The following ASIC2 variants were observed in gnomAD, a reference collection of about 807,000 sequenced individuals.
The protein encoded by ASIC2 is acid-sensing ion channel 2.
Under a neutral mutation model 57.3 loss-of-function variants are expected in ASIC2, and 25 were observed. The observed-to-expected ratio is 0.44, with a 90% CI of 0.32 to 0.61. The LOEUF is 0.61. ASIC2 is among the 20% of genes least tolerant of loss of function. The probability of loss-of-function intolerance (pLI) is 0.06; values close to 1 mark genes in which losing one functional copy is unlikely to be tolerated. For synonymous variants in ASIC2, 319 were observed against 307.5 expected (o/e 1.04, Z -0.39); for missense variants, 641 against 738.1 (o/e 0.87, Z 1.52).
chr17:33,727,791 G>A (rs1012718697), intron 1 of ASIC2, among the ~76,000 whole-genome samples: 11 of 152,156 alleles, frequency 7.2e-5, no homozygotes, highest in African/African-American at 1.9e-4. Flanking sequence ...TTTTTTTATA[G>A]CAATGTAAGA....
intron 1 of ASIC2, among the ~76,000 whole-genome samples, chr17:33,898,470 T>C (rs1474856952): frequency 1.3e-5 from 2 of 151,672 alleles, no homozygotes; most frequent in Admixed American, 1.3e-4. Context: ...TCTCCTGATC[T>C]TGTGATCTGC....
At chr17:33,867,522 G>C (rs1286476861) in intron 1 of ASIC2, among the ~76,000 whole-genome samples, 2 of 152,180 alleles carry the variant, frequency 1.3e-5, no homozygotes, top group Non-Finnish European at 2.9e-5. Context: ...GGGCCCTTTT[G>C]CCAACCACAA....
At chr17:33,858,225 C>T (rs1447005962) in intron 1 of ASIC2, among the ~76,000 whole-genome samples, 1 of 152,224 alleles carries the variant, frequency 6.6e-6, no homozygotes, top group Non-Finnish European at 1.5e-5. Context: ...ACAGCCTTTG[C>T]ATATGTTAAT....
chr17:34,002,240 G>A (rs1015396372), intron 1 of ASIC2: 11 of 152,216 alleles, frequency 7.2e-5, no homozygotes, highest in African/African-American at 2.4e-4. Context: ...TGCCAACAGA[G>A]GGAACTATAA....
intron 1 of ASIC2, among the ~76,000 whole-genome samples, chr17:33,538,761 G>T (rs1270181578): frequency 2.0e-5 from 3 of 152,190 alleles, no homozygotes; most frequent in Non-Finnish European, 2.9e-5. Context: ...TTTCTACAAG[G>T]TAGATCCATG....
intron 1 of ASIC2, among the ~76,000 whole-genome samples, chr17:33,706,370 C>T (rs1489829200): frequency 6.6e-6 from 1 of 152,014 alleles, no homozygotes; most frequent in East Asian, 1.9e-4. Flanking sequence ...CAGGTATGTG[C>T]CACCATGAAT....
intron 1 of ASIC2, among the ~76,000 whole-genome samples, chr17:34,008,806 C>G (rs1325209817): frequency 2.6e-5 from 4 of 152,204 alleles, no homozygotes; most frequent in Non-Finnish European, 5.9e-5. Flanking sequence ...TGCAGCTCCC[C>G]TAGCCATCCC....
chr17:33,577,558 G>A (rs987188623), intron 1 of ASIC2, among the ~76,000 whole-genome samples: 2 of 152,226 alleles, frequency 1.3e-5, no homozygotes, highest in African/African-American at 4.8e-5. Context: ...CTTCTCCCCA[G>A]AATAACCAAA....
At chr17:33,631,241 G>A (rs889619815) in intron 1 of ASIC2, among the ~76,000 whole-genome samples, 1 of 152,020 alleles carries the variant, frequency 6.6e-6, no homozygotes, top group African/African-American at 2.4e-5. Context: ...TTGAGAACCT[G>A]CCTTTATGTG....
chr17:33,586,729 C>T (rs1904647751), intron 1 of ASIC2, among the ~76,000 whole-genome samples: 1 of 152,162 alleles, frequency 6.6e-6, no homozygotes, highest in African/African-American at 2.4e-5. Flanking sequence ...TTAGACCTGC[C>T]TTCTCTCCCA....
chr17:33,135,333 G>A (rs1000143452), intron 1 of ASIC2, among the ~76,000 whole-genome samples: 17 of 152,190 alleles, frequency 1.1e-4, no homozygotes, highest in African/African-American at 3.6e-4. Context: ...TCTTCAAGAG[G>A]AAGTGGAAGC....
intron 3 of ASIC2, among the ~76,000 whole-genome samples, chr17:33,078,238 G>A (rs2092097699): frequency 6.6e-6 from 1 of 152,094 alleles, no homozygotes; most frequent in Admixed American, 6.5e-5. Context: ...ATCCAGTGCT[G>A]AGTGGGTGCA....
At chr17:33,630,078 C>G (rs71379405) in intron 1 of ASIC2, among the ~76,000 whole-genome samples, 1 of 152,170 alleles carries the variant, frequency 6.6e-6, no homozygotes, top group African/African-American at 2.4e-5. Flanking sequence ...GGCCATCTCT[C>G]TACTTTTCAC....
intron 1 of ASIC2, among the ~76,000 whole-genome samples, chr17:34,010,047 T>C (rs1413073939): frequency 6.6e-6 from 1 of 152,174 alleles, no homozygotes; most frequent in Non-Finnish European, 1.5e-5. Context: ...TGACTTGCAG[T>C]GCACAGAGGG....
At chr17:33,363,604 AC>A (rs1359280094) in intron 1 of ASIC2, among the ~76,000 whole-genome samples, 4 of 152,218 alleles carry the variant, frequency 2.6e-5, no homozygotes, top group African/African-American at 4.8e-5. Context: ...GCCACTGAAC[AC>A]CAGTGCGCAT....
At chr17:33,304,820 A>G (rs1361415862) in intron 1 of ASIC2, among the ~76,000 whole-genome samples, 1 of 152,084 alleles carries the variant, frequency 6.6e-6, no homozygotes, top group Admixed American at 6.5e-5. Context: ...TTCTGCTTGT[A>G]GTGCGTCTGC....
At chr17:33,097,615 C>T (rs1482740995) in intron 2 of ASIC2, among the ~76,000 whole-genome samples, 3 of 152,226 alleles carry the variant, frequency 2.0e-5, no homozygotes, top group African/African-American at 7.2e-5. Context: ...CTCACCCTCC[C>T]CTGCCTTTTG....
At chr17:34,018,566 G>GA (rs1427568329) in intron 1 of ASIC2, among the ~76,000 whole-genome samples, 10 of 152,200 alleles carry the variant, frequency 6.6e-5, no homozygotes, top group Non-Finnish European at 8.8e-5. Flanking sequence ...AAAGTAAATT[G>GA]AAAATCACCA....
chr17:34,129,160 G>A lies in ASIC2; in HGVS notation c.555+26818C>T, dbSNP rs1033013912. On this transcript the variant is annotated intron_variant, in intron 1 of 9. Transcript: ENST00000359872. Reference sequence around the variant, plus strand: ...TACATCTACTAAATACCTATTACACGTCAAGCACTATGCTTAGCATGTGAT... The same window carrying A: ...TACATCTACTAAATACCTATTACACATCAAGCACTATGCTTAGCATGTGAT... Among the ~76,000 whole-genome samples the A allele has an allele frequency of 5.3e-5, 8 of 152,086 alleles. No homozygotes were observed. The South Asian group carries it at 8.3e-4, about 16-fold the overall frequency.
Sources: allele counts gnomAD v4.1 joint callset (sites outside exome capture counted in the v4.1 genomes callset), GRCh38; gene constraint gnomAD v4.1.1; transcripts MANE v1.5; gene names NCBI Gene and HGNC (gene_info 2026-07-23, HGNC 2026-07-21).